STT3B: variants seen among roughly 807,000 people sequenced by gnomAD.
The protein encoded by STT3B is dolichyl-diphosphooligosaccharide--protein glycosyltransferase subunit STT3B.
In STT3B, 29 loss-of-function variants were observed where a neutral mutation model predicts 96.8. The ratio of observed to expected loss-of-function variants is 0.30; its 90% confidence interval spans 0.22 to 0.41. The LOEUF (loss-of-function observed/expected upper bound fraction) is 0.41. Among genes scored for constraint, STT3B ranks in the 10% least tolerant of loss-of-function variants. The pLI, the probability that STT3B is intolerant of heterozygous loss-of-function variation, is 1.00. For synonymous variants in STT3B, 367 were observed against 360.0 expected, an observed-to-expected ratio of 1.02 and a Z score of -0.22; for missense variants, 640 against 1,022.3, an observed-to-expected ratio of 0.63 and a Z score of 5.10.
At chr3:31,533,345 G>C (rs750329295) in intron 1 of STT3B, 33 bp downstream of exon 1, 3 of 1,472,564 alleles carry the variant, frequency 2.0e-6, no homozygotes, top group Non-Finnish European at 2.7e-6. Flanking sequence ...CCCGCCCGTG[G>C]CCCGCGGGGA....
chr3:31,578,404 C>CT (rs1044250928), intron 2 of STT3B, among the ~76,000 whole-genome samples: 3 of 151,900 alleles, frequency 2.0e-5, no homozygotes, highest in Non-Finnish European at 2.9e-5. Context: ...CTTGATTATG[C>CT]TTTTTTTGTT....
intron 5 of STT3B, among the ~76,000 whole-genome samples, chr3:31,607,861 A>C (rs1444449827): frequency 6.6e-6 from 1 of 152,058 alleles, no homozygotes; most frequent in Non-Finnish European, 1.5e-5. Flanking sequence ...CCGCCTTCCA[A>C]AGTGTTGGGA....
chr3:31,599,410 T>C (rs1329560803), intron 4 of STT3B, among the ~76,000 whole-genome samples: 1 of 152,240 alleles, frequency 6.6e-6, no homozygotes, highest in African/African-American at 2.4e-5. Flanking sequence ...GTCTTTCAGA[T>C]AGGACTGGCG....
chr3:31,577,389 A>AC (rs1698287747), intron 2 of STT3B, among the ~76,000 whole-genome samples: 2 of 152,136 alleles, frequency 1.3e-5, no homozygotes, highest in Non-Finnish European at 2.9e-5. Context: ...TATTTTCATT[A>AC]TCATTTAAAA....
At chr3:31,582,412 A>G (rs942378645) in intron 3 of STT3B, among the ~76,000 whole-genome samples, 1 of 150,446 alleles carries the variant, frequency 6.6e-6, no homozygotes, top group African/African-American at 2.4e-5. Flanking sequence ...TCTCTGCCTC[A>G]GCCTCCCGAG....
At chr3:31,559,078 A>G (rs1195841698) in intron 1 of STT3B, among the ~76,000 whole-genome samples, 6 of 98,440 alleles carry the variant, frequency 6.1e-5, no homozygotes, top group Non-Finnish European at 1.3e-4. Context: ...GAAGTGCCTT[A>G]TTGGTTTTTT....
intron 3 of STT3B, among the ~76,000 whole-genome samples, chr3:31,593,016 G>T (rs961991636): frequency 2.0e-5 from 3 of 152,130 alleles, no homozygotes; most frequent in African/African-American, 7.2e-5. Context: ...CAGAACCTCA[G>T]TACTTGGAGG....
At chr3:31,608,607 T>G (rs1699110651) in intron 5 of STT3B, among the ~76,000 whole-genome samples, 1 of 152,220 alleles carries the variant, frequency 6.6e-6, no homozygotes, top group Non-Finnish European at 1.5e-5. Flanking sequence ...AAAAAGGCTT[T>G]CAGTGAATAG....
Position 31,533,140 on chromosome 3 carries a change from G to T in STT3B, c.142G>T (p.Ala48Ser). Residue 48 changes from alanine to serine, a missense_variant, in exon 1 of 16, where the codon GCG becomes TCG. Ala to Ser is a moderately conservative substitution (Grantham distance 99). Coordinates refer to ENST00000295770, the MANE Select transcript of STT3B (RefSeq NM_178862.3). The part of the protein sequence containing the change: ...AQCAHKAAGG[A>S]APPKPAPAGL... ...GTGCGCGCACAAGGCGGCGGGCGGC[G>T]CGGCGCCGCCGAAGCCGGCCCCGGC... The T allele has an allele frequency of 7.7e-7, 1 of 1,296,838 alleles. No individual in the cohort carries two copies. The highest frequency in any genetic ancestry group is 9.8e-7 in the Non-Finnish European group (1 of 1,023,152). 80.3% of individuals were successfully genotyped at this position (1,296,838 alleles called of 1,614,324 possible).
intron 12 of STT3B, 63 bp from the exon 13 acceptor site, chr3:31,625,891 A>T (rs1432831636): frequency 6.4e-6 from 9 of 1,412,468 alleles, no homozygotes; most frequent in Non-Finnish European, 8.6e-6. Flanking sequence ...TAAAAAATAT[A>T]CATTGATTTT....
At chr3:31,557,385 G>C (rs1482951000) in intron 1 of STT3B, among the ~76,000 whole-genome samples, 1 of 152,062 alleles carries the variant, frequency 6.6e-6, no homozygotes, top group East Asian at 1.9e-4. Context: ...TTTCAGGACT[G>C]TTTTTTCTAT....
chr3:31,565,859 T>C (rs924149624), intron 1 of STT3B, among the ~76,000 whole-genome samples: 1 of 152,212 alleles, frequency 6.6e-6, no homozygotes, highest in Non-Finnish European at 1.5e-5. Flanking sequence ...CTCTGTCCTT[T>C]TATTTCCAAA....
chr3:31,596,918 A>G, intron 4 of STT3B, 55 bp downstream of exon 4: 1 of 1,297,504 alleles, frequency 7.7e-7, no homozygotes, highest in Non-Finnish European at 1.1e-6. Flanking sequence ...GGAGGTTAAA[A>G]CAGTTCTTTT....
intron 1 of STT3B, among the ~76,000 whole-genome samples, chr3:31,535,914 G>C (rs983920501): frequency 1.3e-5 from 2 of 152,096 alleles, no homozygotes; most frequent in African/African-American, 2.4e-5. Context: ...CATAATGTTA[G>C]ATAATCTTGC....
Position 31,623,614 on chromosome 3 carries a change from T to C in STT3B, c.1540-60T>C, listed in dbSNP as rs1407498216. 5 of 1,304,452 alleles carry C rather than the reference T, an allele frequency of 3.8e-6. No homozygotes were observed. In the East Asian group the frequency reaches 7.1e-5, roughly 19 times the overall value. 80.8% of individuals were successfully genotyped at this position (1,304,452 alleles called of 1,614,324 possible). On this transcript the variant is annotated intron_variant, in intron 10 of 15. Transcript: ENST00000295770. The stretch of plus-strand genomic sequence containing the variant: ...CAGTCTCTCAACTTTTTCCATTGAG[T>C]ATCTTAATGAAGCAAGTCAAATAAT...
intron 3 of STT3B, among the ~76,000 whole-genome samples, chr3:31,594,133 C>G (rs1377845716): frequency 6.6e-6 from 1 of 152,156 alleles, no homozygotes; most frequent in Non-Finnish European, 1.5e-5. Context: ...AAAACTCAAT[C>G]CATATTTTTT....
chr3:31,618,825 T>C (rs115987687), intron 8 of STT3B, among the ~76,000 whole-genome samples: 368 of 152,234 alleles, frequency 2.4e-3, no homozygotes, highest in Admixed American at 7.1e-3. Flanking sequence ...TAGAATGTTA[T>C]TCTGATTAGG....
chr3:31,558,742 T>G (rs1469255266), intron 1 of STT3B, among the ~76,000 whole-genome samples: 6 of 152,166 alleles, frequency 3.9e-5, no homozygotes, highest in Non-Finnish European at 8.8e-5. Flanking sequence ...AGAATAGATG[T>G]GTGTTTTTCC....
chr3:31,609,431 A>G lies in STT3B; in HGVS notation c.878-5674A>G, dbSNP rs868242739. ...ACACCACACATACAGTACCTTTGTA[A>G]TTTCACTATATTTTAATATTATTTC... On this transcript the variant is annotated intron_variant, in intron 5 of 15. Transcript: ENST00000295770. 2.0e-5 allele frequency among the ~76,000 whole-genome samples: 3 copies of G among 152,188 alleles called. No individual in the cohort carries two copies. The South Asian group carries it at 6.2e-4, about 32-fold the overall frequency.
Sources: gnomAD v4.1 joint callset for allele counts (sites outside exome capture counted in the v4.1 genomes callset) on GRCh38, gnomAD v4.1.1 for gene constraint, MANE v1.5 for transcripts, NCBI Gene and HGNC (gene_info 2026-07-23, HGNC 2026-07-21) for gene names.